Variants in ANKFN1 observed in about 807,000 individuals in gnomAD.
ANKFN1 encodes ankyrin repeat and fibronectin type-III domain-containing protein 1.
Under a neutral mutation model 108.7 loss-of-function variants are expected in ANKFN1, and 74 were observed. The ratio of observed to expected loss-of-function variants is 0.68; its 90% CI spans 0.56 to 0.83. The LOEUF (loss-of-function observed/expected upper bound fraction) is 0.83, where lower values mean the gene tolerates loss of function less well. ANKFN1 is among the 40% of genes least tolerant of loss of function. The pLI, the probability that ANKFN1 is intolerant of heterozygous loss-of-function variation, is 0.00. For synonymous variants in ANKFN1, 547 were observed against 516.2 expected (o/e 1.06, Z -0.81); for missense variants, 1,505 against 1,382.3 (o/e 1.09, Z -1.41).
chr17:56,306,364 G>A (rs764954852), intron 3 of ANKFN1, among the ~76,000 whole-genome samples: 2 of 152,176 alleles, frequency 1.3e-5, no homozygotes, highest in Non-Finnish European at 2.9e-5. Flanking sequence ...TACAAGTCCT[G>A]TATGTGTTTT....
upstream of ANKFN1, among the ~76,000 whole-genome samples, chr17:56,150,534 T>C (rs1908536123): frequency 6.6e-6 from 1 of 152,214 alleles, no homozygotes; most frequent in African/African-American, 2.4e-5. Context: ...GGTAATGGTA[T>C]TGGTTTAAGC....
chr17:56,270,795 G>A (rs1434275734), intron 3 of ANKFN1, among the ~76,000 whole-genome samples: 2 of 151,970 alleles, frequency 1.3e-5, no homozygotes, highest in Non-Finnish European at 2.9e-5. Flanking sequence ...TCTTTTTGTT[G>A]TTTCCTCAGC....
At chr17:56,336,277 A>G (rs564997043) in intron 4 of ANKFN1, among the ~76,000 whole-genome samples, 125 of 152,312 alleles carry the variant, frequency 8.2e-4, no homozygotes, top group Non-Finnish European at 1.6e-3. Context: ...TGATTGGAAT[A>G]GTTTCAGAAG....
chr17:56,106,139 G>T (rs1459871106), intron 4 of ANKFN1, among the ~76,000 whole-genome samples: 1 of 152,114 alleles, frequency 6.6e-6, no homozygotes, highest in African/African-American at 2.4e-5. Flanking sequence ...AAGCAACCCT[G>T]CAAGGAGGAT....
chr17:56,183,101 T>G (rs1373243167), intron 1 of ANKFN1, among the ~76,000 whole-genome samples: 1 of 152,214 alleles, frequency 6.6e-6, no homozygotes, highest in Non-Finnish European at 1.5e-5. Flanking sequence ...AATAGAGATC[T>G]GCAAAGGAGA....
intron 4 of ANKFN1, among the ~76,000 whole-genome samples, chr17:56,333,802 G>A (rs1249016112): frequency 6.6e-6 from 1 of 152,036 alleles, no homozygotes; most frequent in Non-Finnish European, 1.5e-5. Context: ...TTAGGATAAA[G>A]TATTAGCATA....
intron 4 of ANKFN1, among the ~76,000 whole-genome samples, chr17:56,079,756 C>T (rs779604563): frequency 7.2e-5 from 11 of 152,170 alleles, no homozygotes; most frequent in Admixed American, 2.0e-4. Flanking sequence ...TGCATCAGAA[C>T]GTGACAAGGT....
Position 56,440,882 on chromosome 17 carries a change from T to TA in ANKFN1, c.1008+470dup, listed in dbSNP as rs1044423959. Reference sequence around the variant, plus strand: ...CTGAGAGAAATCCTTTTCCCTTGATTAAAAAAAAAAAACGAAGTCTGTCTA... The same window carrying TA: ...CTGAGAGAAATCCTTTTCCCTTGATTAAAAAAAAAAAAACGAAGTCTGTCTA... On this transcript the variant is annotated intron_variant, in intron 9 of 20. Transcript: ENST00000682825. 6.8e-3 allele frequency among the ~76,000 whole-genome samples: 978 copies of TA among 143,182 alleles called. 8 individuals carry two copies. The highest frequency in any genetic ancestry group is 0.021 in the African/African-American group (830 of 39,488). 93.9% of individuals were successfully genotyped at this position (143,182 alleles called of 152,430 possible).
intron 3 of ANKFN1, among the ~76,000 whole-genome samples, chr17:56,247,834 A>T (rs1231186056): frequency 1.3e-5 from 2 of 152,200 alleles, no homozygotes; most frequent in African/African-American, 4.8e-5. Flanking sequence ...TGTTTTCTTC[A>T]AAGCCCCATT....
At chr17:56,328,787 G>T (rs1364585619) in intron 4 of ANKFN1, among the ~76,000 whole-genome samples, 5 of 140,524 alleles carry the variant, frequency 3.6e-5, no homozygotes, top group South Asian at 2.1e-4. Flanking sequence ...AAAAAAAAAA[G>T]GGGGGGCAGG....
chr17:56,484,558 G>C (rs2050801882), intron 18 of ANKFN1, among the ~76,000 whole-genome samples: 1 of 152,118 alleles, frequency 6.6e-6, no homozygotes, highest in South Asian at 2.1e-4. Context: ...AGGAAGTGAT[G>C]CTTTTAGCTT....
chr17:56,260,188 AAATAAT>A (rs1485907255), intron 3 of ANKFN1, among the ~76,000 whole-genome samples: 1 of 152,214 alleles, frequency 6.6e-6, no homozygotes, highest in East Asian at 1.9e-4. Context: ...GAGCTGGAAG[AAATAAT>A]AATAAAAGAA....
chr17:56,096,562 A>G (rs2143208533), intron 4 of ANKFN1, among the ~76,000 whole-genome samples: 1 of 152,356 alleles, frequency 6.6e-6, no homozygotes. Context: ...ACAGAAAAAA[A>G]AAGTTCAACA....
rs748522446 is a variant in ANKFN1 at position 56,482,544 on chromosome 17, C to T, written c.2260+20C>T. On this transcript the variant is annotated intron_variant, in intron 18 of 20. Transcript: ENST00000682825. The stretch of plus-strand genomic sequence containing the variant: ...AACTTGGTATAGTAGCTTGTTTCAC[C>T]TAGAAATATTAACCCAGCCTCCTTA... 1.8e-5 allele frequency: 29 copies of T among 1,606,494 alleles called. No individual in the cohort carries two copies. The highest frequency in any genetic ancestry group is 2.4e-5 in the Non-Finnish European group (28 of 1,176,356).
At chr17:56,156,198 A>G (rs1453650367) in intron 1 of ANKFN1, among the ~76,000 whole-genome samples, 2 of 150,936 alleles carry the variant, frequency 1.3e-5, no homozygotes, top group East Asian at 1.9e-4. Flanking sequence ...TCATGCCTCA[A>G]CCTCTCGAGT....
chr17:56,207,313 A>G (rs1914621645), intron 1 of ANKFN1, among the ~76,000 whole-genome samples: 1 of 152,210 alleles, frequency 6.6e-6, no homozygotes, highest in African/African-American at 2.4e-5. Context: ...GATTTTGACA[A>G]GCTCTTCAGG....
intron 3 of ANKFN1, among the ~76,000 whole-genome samples, chr17:56,321,300 T>TA (rs1447227980): frequency 6.6e-6 from 1 of 152,028 alleles, no homozygotes; most frequent in East Asian, 1.9e-4. Flanking sequence ...ATTTTATTTT[T>TA]AAAAAAAGAA....
At position 56,353,845 on chromosome 17, in the gene ANKFN1, G is replaced by A. The variant is rs1326907064; in HGVS notation, c.400G>A (p.Gly134Ser). ...SLRKTSVNFQ[G>S]NEAMFEAVEQ... Reference sequence around the variant, plus strand: ...TTTTGCTCCTCTCTAGAATTTCCAGGGCAATGAAGCCATGTTTGAGGCAGT... The same window carrying A: ...TTTTGCTCCTCTCTAGAATTTCCAGAGCAATGAAGCCATGTTTGAGGCAGT... The change falls in exon 6 of 21, where the codon GGC becomes AGC. Residue 134 changes from glycine to serine, a missense_variant. Gly to Ser is a moderately conservative substitution (Grantham distance 56). Coordinates refer to ENST00000682825, the MANE Select transcript of ANKFN1 (RefSeq NM_001370326.1). 1.2e-6 allele frequency: 2 copies of A among 1,613,886 alleles called. No individual in the cohort carries two copies. Among genetic ancestry groups the A allele is most frequent in the Admixed American group, 1.7e-5 (1 of 59,986 alleles).
At position 56,326,397 on chromosome 17, in the gene ANKFN1, A is replaced by G. The variant is rs1432717927; in HGVS notation, c.188+42A>G. ...GTTGTCTTTCTTCATGTGAATATGG[A>G]GCTTTCTTAATTACTGATTATTTTT... On this transcript the variant is annotated intron_variant, in intron 4 of 20. Transcript: ENST00000682825. 2.5e-6 allele frequency: 4 copies of G among 1,581,934 alleles called. No individual in the cohort carries two copies. The Admixed American group carries it at 5.6e-5, about 22-fold the overall frequency.
Sources: gnomAD v4.1 joint callset for allele counts (sites outside exome capture counted in the v4.1 genomes callset) on GRCh38, gnomAD v4.1.1 for gene constraint, MANE v1.5 for transcripts, NCBI Gene and HGNC (gene_info 2026-07-23, HGNC 2026-07-21) for gene names.